The following ABI3BP variants were observed in gnomAD, a reference collection of about 807,000 sequenced individuals.
The protein encoded by ABI3BP is ABI family member 3 binding protein, also known as target of Nesh-SH3.
A neutral mutation model predicts 268.6 loss-of-function variants in ABI3BP; 216 were observed. The observed-to-expected ratio is 0.80, with a 90% CI of 0.72 to 0.90. The LOEUF is 0.90. Ranked by LOEUF, ABI3BP falls within the 40% of genes least tolerant of loss-of-function variation. ABI3BP has a pLI of 0.00. For synonymous variants in ABI3BP, 730 were observed against 730.0 expected (o/e 1.00, Z 0.00); for missense variants, 2,090 against 2,182.4 (o/e 0.96, Z 0.84).
At chr3:100,954,975 C>CTTTTTTTTTTTTTTTTTTTTTTTTTT in intron 1 of ABI3BP, among the ~76,000 whole-genome samples, 1 of 94,768 alleles carries the variant, frequency 1.1e-5, no homozygotes, top group Non-Finnish European at 2.0e-5. Flanking sequence ...TAAATTTTGT[C>CTTTTTTTTTTTTTTTTTTTTTTTTTT]TTTTTTTTTT....
Position 100,820,371 on chromosome 3 carries a change from G to A in ABI3BP, c.2948-68C>T, listed in dbSNP as rs968697882. The A allele has an allele frequency of 2.3e-5, 28 of 1,233,010 alleles. No homozygotes were observed. The African/African-American group carries it at 2.3e-4, about 10-fold the overall frequency. The allele number at this position is 1,233,010 out of a possible 1,614,324, so 76.4% of individuals were successfully genotyped here. A position where few individuals can be genotyped will look rare whatever the true frequency, so the allele number is the denominator to read the frequency against. On this transcript the variant is annotated intron_variant, in intron 39 of 67. Transcript: ENST00000471714. ...CGAAGCTATGAGTAGCATGACATAC[G>A]GTTTGAGATCTCTTAAAACTTACTA...
At position 100,902,690 on chromosome 3, in the gene ABI3BP, G is replaced by C; in HGVS notation, c.260-4C>G. 1 of 1,613,412 alleles carries C rather than the reference G, an allele frequency of 6.2e-7. No homozygotes were observed. Among genetic ancestry groups the C allele is most frequent in the Non-Finnish European group, 8.5e-7 (1 of 1,179,592 alleles). On this transcript the variant is annotated splice_region_variant and splice_polypyrimidine_tract_variant and intron_variant, in intron 2 of 67. Coordinates refer to ENST00000471714, the MANE Select transcript of ABI3BP (RefSeq NM_001375547.2). Reference sequence around the variant, plus strand: ...ATCAGATATTTCGGCTCTGCATCTGGAAGCAATAACATTATTTATCAGAAA... The same window carrying C: ...ATCAGATATTTCGGCTCTGCATCTGCAAGCAATAACATTATTTATCAGAAA...
At chr3:100,838,328 G>A (rs1385374645) in intron 25 of ABI3BP, 44 bp from the exon 26 acceptor site, 5 of 1,527,644 alleles carry the variant, frequency 3.3e-6, no homozygotes, top group Non-Finnish European at 4.4e-6. Flanking sequence ...CGGCTGAGCT[G>A]TGAATGTGGA....
intron 1 of ABI3BP, among the ~76,000 whole-genome samples, chr3:100,934,847 G>A (rs943249769): frequency 3.3e-5 from 5 of 151,952 alleles, no homozygotes; most frequent in African/African-American, 9.7e-5. Context: ...TTGTAAATTT[G>A]TTTAAGTTCT....
intron 58 of ABI3BP, 99 bp from the exon 59 acceptor site, chr3:100,778,475 T>A (rs1220172555): frequency 9.8e-7 from 1 of 1,018,116 alleles, no homozygotes; most frequent in Non-Finnish European, 1.4e-6. Flanking sequence ...TAATGTTTGA[T>A]AATTAGCAGT....
intron 42 of ABI3BP, among the ~76,000 whole-genome samples, 184 bp from the exon 43 acceptor site, chr3:100,816,952 A>G (rs2098070302): frequency 6.6e-6 from 1 of 152,226 alleles, no homozygotes; most frequent in African/African-American, 2.4e-5. Context: ...TACATATAAA[A>G]TCAAGTTGAA....
chr3:100,859,938 G>A (rs1004451680), intron 14 of ABI3BP, among the ~76,000 whole-genome samples: 2 of 152,174 alleles, frequency 1.3e-5, no homozygotes, highest in African/African-American at 4.8e-5. Flanking sequence ...CAGGCATGGT[G>A]GCAGGTGCCT....
In ABI3BP at chr3:100,886,315, G is replaced by T; in HGVS notation, c.470C>A (p.Thr157Lys). 1 of 1,586,360 alleles carries T rather than the reference G, an allele frequency of 6.3e-7. No homozygotes were observed. The highest frequency in any genetic ancestry group is 2.3e-5 in the East Asian group (1 of 44,048). Residue 157 changes from threonine (T) to lysine (K), a missense_variant, in exon 5 of 68, where the codon ACA becomes AAA. By Grantham distance (78) the Thr-to-Lys change is moderately conservative (BLOSUM62 -1). Coordinates refer to ENST00000471714, the MANE Select transcript of ABI3BP (RefSeq NM_001375547.2). ...TTTATCCTTTTCTCGATAGCGAATT[G>T]TATAAAATCTGTTGAATAACCAGAA... ...PSHCPNDRFYTIRYREKDKEK... is the reference protein window; with the variant it reads ...PSHCPNDRFYKIRYREKDKEK...
intron 42 of ABI3BP, 30 bp from the exon 43 acceptor site, chr3:100,816,798 T>C (rs898878459): frequency 1.3e-6 from 2 of 1,520,638 alleles, no homozygotes; most frequent in Non-Finnish European, 1.8e-6. Context: ...ATTACTCTAG[T>C]GCAGGTGGCT....
rs773965155 is a variant in ABI3BP at position 100,751,689 on chromosome 3, A to G, written c.5123-15T>C. 6.3e-7 allele frequency: 1 copy of G among 1,579,156 alleles called. No homozygotes were observed. Among genetic ancestry groups the G allele is most frequent in the Admixed American group, 1.8e-5 (1 of 54,586 alleles). ...ATAAAATTTTCCTGAAGAACCAGAA[A>G]TTAAAAGGATAAAGTTTACTTTCTT... On this transcript the variant is annotated splice_polypyrimidine_tract_variant and intron_variant, in intron 66 of 67. Transcript: ENST00000471714.
intron 1 of ABI3BP, among the ~76,000 whole-genome samples, chr3:100,950,600 G>A (rs1030513404): frequency 1.3e-5 from 2 of 151,914 alleles, no homozygotes. Flanking sequence ...GAAGGTCGAG[G>A]TGTTAATATC....
chr3:100,926,439 T>C lies in ABI3BP; in HGVS notation c.122A>G (p.Asp41Gly), dbSNP rs2061830430. ...NLKVHINTTS[D>G]SILLKFLRPS... ...ACGCAAGAACTTCAAGAGGATGGAG[T>C]CACTTGTGGTATTGATGTGGACTTT... The change falls in exon 2 of 68, where the codon GAC becomes GGC. Residue 41 changes from aspartate to glycine, a missense_variant. Asp to Gly is a moderately conservative substitution (Grantham distance 94). Coordinates refer to ENST00000471714, the MANE Select transcript of ABI3BP (RefSeq NM_001375547.2). The C allele has an allele frequency of 3.1e-6, 5 of 1,613,342 alleles. No homozygotes were observed. The highest frequency in any genetic ancestry group is 4.2e-6 in the Non-Finnish European group (5 of 1,179,548).
intron 64 of ABI3BP, 59 bp downstream of exon 64, chr3:100,754,553 A>G (rs769703890): frequency 1.8e-5 from 26 of 1,475,262 alleles, no homozygotes; most frequent in Middle Eastern, 1.7e-4. Context: ...CCTACGCAAA[A>G]CATTGCTCCA....
At chr3:100,906,030 CTT>C (rs2053279053) in intron 2 of ABI3BP, among the ~76,000 whole-genome samples, 1 of 152,132 alleles carries the variant, frequency 6.6e-6, no homozygotes, top group Non-Finnish European at 1.5e-5. Flanking sequence ...ACAAAATACT[CTT>C]TTAATAAATC....
chr3:100,968,738 G>A (rs947901773), intron 1 of ABI3BP, among the ~76,000 whole-genome samples: 11 of 152,034 alleles, frequency 7.2e-5, no homozygotes, highest in African/African-American at 2.2e-4. Context: ...TGCGCAGAAC[G>A]TGCGGGTTTG....
chr3:100,890,148 C>A (rs1186679823), intron 4 of ABI3BP, among the ~76,000 whole-genome samples: 2 of 152,148 alleles, frequency 1.3e-5, no homozygotes, highest in South Asian at 2.1e-4. Flanking sequence ...GCTTAATGTA[C>A]ATGGTTGACT....
Position 100,786,984 on chromosome 3 carries a change from C to A in ABI3BP, c.4162+744G>T, listed in dbSNP as rs545946400. On this transcript the variant is annotated intron_variant, in intron 57 of 67. Coordinates refer to ENST00000471714, the MANE Select transcript of ABI3BP (RefSeq NM_001375547.2). ...CATTAGAGAACCGTCATGGGTTCAT[C>A]AGATATATATACATTAAATAAATTT... Among the ~76,000 whole-genome samples, 10 of 152,076 alleles carry A rather than the reference C, an allele frequency of 6.6e-5. No individual in the cohort carries two copies. In the South Asian group the frequency reaches 1.9e-3, roughly 28 times the overall value.
intron 6 of ABI3BP, 45 bp from the exon 7 acceptor site, chr3:100,876,605 A>G: frequency 6.4e-7 from 1 of 1,564,514 alleles, no homozygotes; most frequent in Non-Finnish European, 8.8e-7. Context: ...ATTGTGAATA[A>G]CTTTCTGTTC....
chr3:100,918,101 C>A (rs1010968468), intron 2 of ABI3BP, among the ~76,000 whole-genome samples: 8 of 152,042 alleles, frequency 5.3e-5, no homozygotes, highest in African/African-American at 1.7e-4. Flanking sequence ...TTGGACTCAT[C>A]TTGAAGATTT....
Sources: allele counts gnomAD v4.1 joint callset (sites outside exome capture counted in the v4.1 genomes callset), GRCh38; gene constraint gnomAD v4.1.1; transcripts MANE v1.5; gene names NCBI Gene and HGNC (gene_info 2026-07-23, HGNC 2026-07-21).